The following GNPAT variants were observed in gnomAD, a reference collection of about 807,000 sequenced individuals.
GNPAT encodes dihydroxyacetone phosphate acyltransferase.
In GNPAT, 30 loss-of-function variants were observed where a neutral mutation model predicts 78.4. The ratio of observed to expected loss-of-function variants is 0.38; its 90% CI spans 0.29 to 0.52. The LOEUF is 0.52. GNPAT is among the 20% of genes least tolerant of loss of function. The pLI is 0.84. For synonymous variants in GNPAT, 271 were observed against 281.1 expected (o/e 0.96, Z 0.36); for missense variants, 714 against 812.2 (o/e 0.88, Z 1.47).
chr1:231,242,410 T>A (rs993450872), intron 1 of GNPAT, among the ~76,000 whole-genome samples: 1 of 152,186 alleles, frequency 6.6e-6, no homozygotes, highest in Admixed American at 6.5e-5. Flanking sequence ...AACACCCCAG[T>A]TTTGAAAGAG....
intron 1 of GNPAT, among the ~76,000 whole-genome samples, chr1:231,248,394 G>A (rs1684804348): frequency 6.6e-6 from 1 of 152,048 alleles, no homozygotes; most frequent in Non-Finnish European, 1.5e-5. Flanking sequence ...GGAGGAAGAG[G>A]AGGGGTTGGA....
intron 9 of GNPAT, among the ~76,000 whole-genome samples, chr1:231,268,762 C>A (rs1012091817): frequency 6.6e-6 from 1 of 151,870 alleles, no homozygotes; most frequent in Non-Finnish European, 1.5e-5. Context: ...AAAAATTAGC[C>A]GGGCATGGTG....
chr1:231,277,344 G>A (rs1685746046), intron 15 of GNPAT, among the ~76,000 whole-genome samples, 155 bp from the exon 16 acceptor site: 1 of 152,222 alleles, frequency 6.6e-6, no homozygotes, highest in African/African-American at 2.4e-5. Context: ...CGCTTCCCTT[G>A]TGGAGGGGGC....
chr1:231,243,889 T>A (rs1684683494), intron 1 of GNPAT, among the ~76,000 whole-genome samples: 1 of 152,114 alleles, frequency 6.6e-6, no homozygotes, highest in Non-Finnish European at 1.5e-5. Context: ...TATACACATA[T>A]ATATATAAAT....
chr1:231,271,061 G>A lies in GNPAT; in HGVS notation c.1522+61G>A. On this transcript the variant is annotated intron_variant, in intron 10 of 15. Transcript: ENST00000366647. ...AGGTCTGGCCATTCCATTCCATTTA[G>A]GGAGCCACATTTGAAGCCTTGTAAT... 2.5e-6 allele frequency: 4 copies of A among 1,571,176 alleles called. No individual in the cohort carries two copies. In the South Asian group the frequency reaches 4.4e-5, roughly 17 times the overall value.
chr1:231,277,413 C>G, intron 15 of GNPAT, 86 bp from the exon 16 acceptor site: 1 of 835,452 alleles, frequency 1.2e-6, no homozygotes, highest in East Asian at 2.4e-5. Context: ...CCAGCTTCTC[C>G]CCTGGACAGT....
rs752648613 is a variant in GNPAT at position 231,251,548 on chromosome 1, C to CT, written c.261+407dup. Reference sequence around the variant, plus strand: ...AAGAGTATTCAAGCCAAACAAATAACTTATTCCTGTGGTTTTCAAACCTCC... The same window carrying CT: ...AAGAGTATTCAAGCCAAACAAATAACTTTATTCCTGTGGTTTTCAAACCTCC... On this transcript the variant is annotated intron_variant, in intron 2 of 15. Transcript: ENST00000366647. Among the ~76,000 whole-genome samples the CT allele has an allele frequency of 3.1e-4, 47 of 152,086 alleles. 1 individual carries two copies. Among genetic ancestry groups the CT allele is most frequent in the Non-Finnish European group, 5.4e-4 (37 of 68,022 alleles).
chr1:231,261,670 G>A (rs903367118), intron 3 of GNPAT, among the ~76,000 whole-genome samples: 13 of 151,940 alleles, frequency 8.6e-5, no homozygotes, highest in African/African-American at 2.9e-4. Flanking sequence ...TACCCCACTC[G>A]TTTTTGCACC....
Position 231,277,782 on chromosome 1 carries a change from A to C in GNPAT, c.*240A>C. ...TGTGTGTTTTAAAATAAACTTTTGG[A>C]AACATGTTTGGAAAAGCAAAGCTCA... is the stretch of plus-strand genomic sequence containing the variant. On this transcript the variant is annotated 3_prime_UTR_variant, in exon 16 of 16. Transcript: ENST00000366647. The C allele has an allele frequency of 2.1e-6, 1 of 479,000 alleles. No homozygotes were observed. The highest frequency in any genetic ancestry group is 3.5e-5 in the East Asian group (1 of 28,896). 29.7% of individuals were successfully genotyped at this position (479,000 alleles called of 1,614,324 possible).
At chr1:231,270,442 C>T (rs1024492752) in intron 9 of GNPAT, among the ~76,000 whole-genome samples, 4 of 152,094 alleles carry the variant, frequency 2.6e-5, no homozygotes, top group Non-Finnish European at 5.9e-5. Flanking sequence ...ACTTTAGATT[C>T]CCTTGGTTCC....
chr1:231,273,362 C>T (rs1301233864), intron 11 of GNPAT, among the ~76,000 whole-genome samples: 2 of 151,444 alleles, frequency 1.3e-5, no homozygotes, highest in African/African-American at 4.9e-5. Flanking sequence ...CTCCATTCTC[C>T]TGCCTCAGCC....
intron 8 of GNPAT, among the ~76,000 whole-genome samples, chr1:231,266,778 A>C (rs1685401181): frequency 6.6e-6 from 1 of 152,210 alleles, no homozygotes; most frequent in Non-Finnish European, 1.5e-5. Context: ...CCTAGAAAGG[A>C]TTGCATAATG....
intron 1 of GNPAT, among the ~76,000 whole-genome samples, chr1:231,248,704 A>G (rs1008061476): frequency 2.0e-5 from 3 of 152,208 alleles, no homozygotes; most frequent in African/African-American, 4.8e-5. Flanking sequence ...ATGCATAACA[A>G]CGTTTTAGTC....
intron 14 of GNPAT, among the ~76,000 whole-genome samples, chr1:231,275,922 T>C (rs1685700643): frequency 1.3e-5 from 2 of 152,306 alleles, no homozygotes; most frequent in South Asian, 4.1e-4. Context: ...AGCTTAATAG[T>C]AAACTCTGGC....
intron 4 of GNPAT, among the ~76,000 whole-genome samples, chr1:231,263,937 T>G (rs182505734): frequency 1.3e-5 from 2 of 152,342 alleles, no homozygotes; most frequent in Non-Finnish European, 2.9e-5. Context: ...TTAGGTTGTT[T>G]GGGGCTTTTT....
At chr1:231,243,681 G>GT (rs1200114651) in intron 1 of GNPAT, among the ~76,000 whole-genome samples, 10 of 151,996 alleles carry the variant, frequency 6.6e-5, no homozygotes, top group African/African-American at 1.9e-4. Flanking sequence ...AGATGTTGAT[G>GT]TAAAAAAAAC....
chr1:231,277,298 G>A (rs1299965667), intron 15 of GNPAT, among the ~76,000 whole-genome samples: 1 of 152,198 alleles, frequency 6.6e-6, no homozygotes, highest in Admixed American at 6.5e-5. Context: ...CTGGCCCTGT[G>A]GCTCTGGCCA....
chr1:231,250,087 T>G (rs1188185869), intron 1 of GNPAT, among the ~76,000 whole-genome samples: 1 of 136,006 alleles, frequency 7.4e-6, no homozygotes, highest in African/African-American at 2.8e-5. Context: ...CTCTTTATTA[T>G]TATTATTATT....
intron 3 of GNPAT, among the ~76,000 whole-genome samples, chr1:231,262,481 C>G (rs994889417): frequency 3.3e-5 from 5 of 152,184 alleles, no homozygotes; most frequent in African/African-American, 7.2e-5. Flanking sequence ...GCGATCATCA[C>G]TGTTATTATT....
Sources: gnomAD v4.1 joint callset for allele counts (sites outside exome capture counted in the v4.1 genomes callset) on GRCh38, gnomAD v4.1.1 for gene constraint, MANE v1.5 for transcripts, NCBI Gene and HGNC (gene_info 2026-07-23, HGNC 2026-07-21) for gene names.